Variants in TMEM225B observed in about 807,000 individuals in gnomAD.
TMEM225B encodes transmembrane protein 225-like.
A neutral mutation model predicts 16.9 loss-of-function variants in TMEM225B; 10 were observed. The ratio of observed to expected loss-of-function variants is 0.59; its 90% CI spans 0.36 to 1.00. TMEM225B has a LOEUF of 1.00. Ranked by LOEUF, TMEM225B falls within the 50% of genes least tolerant of loss-of-function variation. TMEM225B has a pLI of 0.01. For missense variants in TMEM225B, 217 were observed against 267.0 expected, an observed-to-expected ratio of 0.81 and a Z score of 1.30; for synonymous variants, 92 against 109.8, an observed-to-expected ratio of 0.84 and a Z score of 1.01.
At chr7:99,599,445 T>G (rs116492711) in intron 1 of TMEM225B, among the ~76,000 whole-genome samples, 1,955 of 152,034 alleles carry the variant, frequency 0.013, 40 homozygotes, top group African/African-American at 0.045. Context: ...GGCATACACC[T>G]GTAGTCCCAG....
intron 5 of TMEM225B, among the ~76,000 whole-genome samples, chr7:99,608,855 A>ATG (rs1806077366): frequency 6.8e-6 from 1 of 147,588 alleles, no homozygotes; most frequent in African/African-American, 2.7e-5. Context: ...ATATATATAT[A>ATG]TATACACACA....
intron 1 of TMEM225B, among the ~76,000 whole-genome samples, chr7:99,598,718 A>AG (rs1414012805): frequency 1.3e-5 from 2 of 152,194 alleles, no homozygotes; most frequent in African/African-American, 4.8e-5. Context: ...AACAGTGGGA[A>AG]GGGAAGGTCT....
At position 99,606,834 on chromosome 7, in the gene TMEM225B, G is replaced by A. The variant is rs764237056; in HGVS notation, c.295G>A (p.Glu99Lys). ...TTFIMMPFAS[E>K]FFPRTWKQNF... ...CTTCATCATGATGCCCTTTGCATCC[G>A]AGTTCTTCCCGAGGACCTGGAAGCA... Residue 99 changes from glutamate to lysine, a missense_variant, in exon 4 of 6, where the codon GAG becomes AAG. Transcript: ENST00000431679. The A allele has an allele frequency of 2.2e-5, 34 of 1,535,934 alleles. No individual in the cohort carries two copies. Among genetic ancestry groups the A allele is most frequent in the South Asian group, 7.1e-5 (6 of 84,054 alleles).
intron 5 of TMEM225B, 34 bp downstream of exon 5, chr7:99,607,844 T>C (rs1466658494): frequency 6.5e-7 from 1 of 1,530,304 alleles, no homozygotes; most frequent in Non-Finnish European, 8.7e-7. Context: ...CTGCTTCTTG[T>C]CCTCGGTCTG....
At chr7:99,608,762 C>CAT (rs923969478) in intron 5 of TMEM225B, among the ~76,000 whole-genome samples, 3 of 142,260 alleles carry the variant, frequency 2.1e-5, no homozygotes, top group Non-Finnish European at 4.5e-5. Context: ...CACACACACA[C>CAT]ACATATTTAT....
intron 1 of TMEM225B, among the ~76,000 whole-genome samples, chr7:99,599,906 C>T (rs778324039): frequency 1.3e-5 from 2 of 152,360 alleles, no homozygotes; most frequent in Non-Finnish European, 2.9e-5. Flanking sequence ...TACCAATCCC[C>T]TCTTATATTC....
chr7:99,607,510 A>G (rs1268576150), intron 4 of TMEM225B, among the ~76,000 whole-genome samples, 163 bp from the exon 5 acceptor site: 4 of 152,148 alleles, frequency 2.6e-5, no homozygotes, highest in African/African-American at 9.7e-5. Flanking sequence ...GGCTTTGAAG[A>G]TGAGTCAGAA....
Position 99,600,090 on chromosome 7 carries a change from G to C in TMEM225B, c.-84-115G>C. ...TCACTGGAGAGTGGAGGGGGCAGTG[G>C]GAATGGGACAGATAAGGGGTAGTGC... On this transcript the variant is annotated intron_variant, in intron 1 of 5. Coordinates refer to ENST00000431679, the MANE Select transcript of TMEM225B (RefSeq NM_001195541.3). 6.1e-6 allele frequency: 4 copies of C among 651,006 alleles called. No homozygotes were observed. In the South Asian group the frequency reaches 6.9e-5, roughly 11 times the overall value. 40.3% of individuals were successfully genotyped at this position (651,006 alleles called of 1,614,324 possible).
chr7:99,606,701 C>G (rs2151212389), intron 3 of TMEM225B, 47 bp from the exon 4 acceptor site: 1 of 1,526,142 alleles, frequency 6.6e-7, no homozygotes, highest in South Asian at 1.2e-5. Flanking sequence ...TCTGACCTTT[C>G]CGGGTCAGGG....
chr7:99,600,335 G>C (rs373971456), intron 2 of TMEM225B, 50 bp downstream of exon 2: 2 of 702,332 alleles, frequency 2.8e-6, no homozygotes. Context: ...AGGGCTGCGT[G>C]GAGTGGACAG....
At position 99,606,715 on chromosome 7, in the gene TMEM225B, C is replaced by T; in HGVS notation, c.209-33C>T. 5 of 1,533,598 alleles carry T rather than the reference C, an allele frequency of 3.3e-6. No homozygotes were observed. In the South Asian group the frequency reaches 6.0e-5, roughly 18 times the overall value. The allele number at this position is 1,533,598 out of a possible 1,614,324, so 95.0% of individuals were successfully genotyped here. A position where few individuals can be genotyped will look rare whatever the true frequency, so the allele number is the denominator to read the frequency against. Reference sequence around the variant, plus strand: ...CTCTGACCTTTCCGGGTCAGGGTTCCCAGCTTCAGCCCCACTTCTCCCTCC... The same window carrying T: ...CTCTGACCTTTCCGGGTCAGGGTTCTCAGCTTCAGCCCCACTTCTCCCTCC... On this transcript the variant is annotated intron_variant, in intron 3 of 5. Coordinates refer to ENST00000431679, the MANE Select transcript of TMEM225B (RefSeq NM_001195541.3).
intron 5 of TMEM225B, among the ~76,000 whole-genome samples, chr7:99,608,858 T>TATATATATACACAC (rs536627768): frequency 1.3e-4 from 19 of 144,388 alleles, no homozygotes; most frequent in African/African-American, 5.3e-4. Context: ...TATATATATA[T>TATATATATACACAC]ACACACACAC....
intron 3 of TMEM225B, 85 bp from the exon 4 acceptor site, chr7:99,606,663 G>C: frequency 7.4e-7 from 1 of 1,343,126 alleles, no homozygotes. Flanking sequence ...AGGCTCCGGG[G>C]GCCAGCCCTG....
Position 99,610,619 on chromosome 7 carries a change from G to A in TMEM225B, c.*54G>A. On this transcript the variant is annotated 3_prime_UTR_variant, in exon 6 of 6. Transcript: ENST00000431679. ...CAAGCCATGTGAGTGTACACATGTA[G>A]CTGTTTGTAGTCCTCCCCACCCTCT... The A allele has an allele frequency of 6.8e-7, 1 of 1,474,714 alleles. No homozygotes were observed. The highest frequency in any genetic ancestry group is 1.2e-5 in the South Asian group (1 of 81,584). The allele number at this position is 1,474,714 out of a possible 1,614,324, so 91.4% of individuals were successfully genotyped here. A position where few individuals can be genotyped will look rare whatever the true frequency, so the allele number is the denominator to read the frequency against.
intron 2 of TMEM225B, among the ~76,000 whole-genome samples, chr7:99,603,758 A>ATTTTTTTTTTTTT (rs58835664): frequency 1.4e-5 from 2 of 143,774 alleles, no homozygotes. Flanking sequence ...AAATTATTTA[A>ATTTTTTTTTTTTT]TTTTTTTTTT....
chr7:99,601,468 C>T (rs1375215148), intron 2 of TMEM225B, among the ~76,000 whole-genome samples: 1 of 152,174 alleles, frequency 6.6e-6, no homozygotes, highest in Non-Finnish European at 1.5e-5. Context: ...TGGCACGCAC[C>T]TGTAGTCCCA....
intron 5 of TMEM225B, among the ~76,000 whole-genome samples, chr7:99,608,734 T>TATACAC (rs1170431715): frequency 6.2e-5 from 7 of 113,718 alleles, no homozygotes; most frequent in South Asian, 5.1e-4. Context: ...TATATATATA[T>TATACAC]ACACACACAC....
chr7:99,604,198 AT>A (rs141137992), intron 2 of TMEM225B, among the ~76,000 whole-genome samples, 187 bp from the exon 3 acceptor site: 13 of 149,296 alleles, frequency 8.7e-5, no homozygotes, highest in African/African-American at 1.2e-4. Flanking sequence ...CATTTTATGC[AT>A]TTTTTTTTTG....
At chr7:99,599,125 ATTTTTTTTTT>A (rs769617190) in intron 1 of TMEM225B, among the ~76,000 whole-genome samples, 9 of 115,498 alleles carry the variant, frequency 7.8e-5, no homozygotes, top group South Asian at 5.8e-4. Flanking sequence ...CGCCTGGCTA[ATTTTTTTTTT>A]TTTTTTTTTT....
Sources: allele counts gnomAD v4.1 joint callset (sites outside exome capture counted in the v4.1 genomes callset), GRCh38; gene constraint gnomAD v4.1.1; transcripts MANE v1.5; gene names NCBI Gene and HGNC (gene_info 2026-07-23, HGNC 2026-07-21).